SERTM1: variants seen among roughly 807,000 people sequenced by gnomAD.
The protein encoded by SERTM1 is serine rich and transmembrane domain containing 1, also known as serine-rich and transmembrane domain-containing protein 1.
In SERTM1, 1 loss-of-function variant was observed where a neutral mutation model predicts 5.5. The ratio of observed to expected loss-of-function variants is 0.18; its 90% CI spans 0.06 to 0.86. SERTM1 has a LOEUF of 0.86. Among genes scored for constraint, SERTM1 ranks in the 40% least tolerant of loss-of-function variants. SERTM1 has a pLI of 0.69. For missense variants in SERTM1, 91 were observed against 122.4 expected (o/e 0.74, Z 1.21); for synonymous variants, 52 against 55.1 (o/e 0.94, Z 0.25).
chr13:36,692,286 T>G (rs2138098556), intron 1 of SERTM1, among the ~76,000 whole-genome samples: 1 of 152,334 alleles, frequency 6.6e-6, no homozygotes, highest in South Asian at 2.1e-4. Context: ...GGTGGGGTTT[T>G]GGTCTGAAAG....
chr13:36,694,790 T>A lies in SERTM1; in HGVS notation c.-173-116T>A, dbSNP rs1593403041. The stretch of plus-strand genomic sequence containing the variant: ...ATGACTGATTCCTAGGGGAGTTATA[T>A]CATCTTGTTTCCTCCATGCTGAGTT... On this transcript the variant is annotated intron_variant, in intron 1 of 1. Coordinates refer to ENST00000315190, the MANE Select transcript of SERTM1 (RefSeq NM_203451.3). 1.2e-5 allele frequency: 5 copies of A among 403,644 alleles called. No homozygotes were observed. The East Asian group carries it at 2.2e-4, about 17-fold the overall frequency. 25.0% of individuals were successfully genotyped at this position (403,644 alleles called of 1,614,324 possible).
chr13:36,678,286 T>A (rs2056681883), intron 1 of SERTM1, among the ~76,000 whole-genome samples: 2 of 152,214 alleles, frequency 1.3e-5, no homozygotes, highest in Non-Finnish European at 2.9e-5. Flanking sequence ...GTTAACAGCT[T>A]GGTATATAAC....
At chr13:36,677,738 G>A (rs980642533) in intron 1 of SERTM1, among the ~76,000 whole-genome samples, 5 of 152,204 alleles carry the variant, frequency 3.3e-5, no homozygotes, top group Non-Finnish European at 1.5e-5. Flanking sequence ...TGGTTAACTT[G>A]CTAGGGTAGT....
intron 1 of SERTM1, among the ~76,000 whole-genome samples, chr13:36,677,270 TAC>T (rs1176488069): frequency 6.6e-6 from 1 of 152,218 alleles, no homozygotes; most frequent in Non-Finnish European, 1.5e-5. Flanking sequence ...CAAACAGCCG[TAC>T]ACACTTTAAC....
In SERTM1 at chr13:36,674,122, G is replaced by C. The variant is rs1244383670; in HGVS notation, c.-236G>C. 2.0e-5 allele frequency: 3 copies of C among 152,252 alleles called. No homozygotes were observed. The highest frequency in any genetic ancestry group is 4.8e-5 in the African/African-American group (2 of 41,458). 9.4% of individuals were successfully genotyped at this position (152,252 alleles called of 1,614,324 possible). A position where few individuals can be genotyped will look rare whatever the true frequency, so the allele number is the denominator to read the frequency against. ...TTCGCGGGCGCGTATCGTCCAGACC[G>C]GAGCACCGCCCCACCGCTAGCGCAG... On this transcript the variant is annotated 5_prime_UTR_variant, in exon 1 of 2. Transcript: ENST00000315190.
chr13:36,677,230 GAAAA>G (rs1200548642), intron 1 of SERTM1, among the ~76,000 whole-genome samples: 2 of 151,146 alleles, frequency 1.3e-5, no homozygotes, highest in Non-Finnish European at 3.0e-5. Context: ...TTTGGAAAAA[GAAAA>G]AAAAGATAAA....
In SERTM1 at chr13:36,696,499, A is replaced by T. The variant is rs1318860215; in HGVS notation, c.*1097A>T. 6.0e-6 allele frequency: 1 copy of T among 167,016 alleles called. No individual in the cohort carries two copies. The highest frequency in any genetic ancestry group is 1.5e-5 in the Non-Finnish European group (1 of 68,120). The allele number at this position is 167,016 out of a possible 1,614,324, so 10.3% of individuals were successfully genotyped here. ...TAATACTCTACATTAGGATTTCAGG[A>T]TGTGAGTTTGTATTAAAAATTGTAG... On this transcript the variant is annotated 3_prime_UTR_variant, in exon 2 of 2. Transcript: ENST00000315190.
chr13:36,697,260 T>G lies in SERTM1; in HGVS notation c.*1858T>G, dbSNP rs1056974247. The G allele has an allele frequency of 6.2e-6, 1 of 162,584 alleles. No homozygotes were observed. The highest frequency in any genetic ancestry group is 2.5e-5 in the African/African-American group (1 of 40,002). 10.1% of individuals were successfully genotyped at this position (162,584 alleles called of 1,614,324 possible). ...CTATTTTAGAGCATTATTAGCATTC[T>G]CTGAATATATGTATATATACATATA... is the stretch of plus-strand genomic sequence containing the variant. On this transcript the variant is annotated 3_prime_UTR_variant, in exon 2 of 2. Coordinates refer to ENST00000315190, the MANE Select transcript of SERTM1 (RefSeq NM_203451.3).
chr13:36,684,868 T>C (rs910703993), intron 1 of SERTM1, among the ~76,000 whole-genome samples: 2 of 152,216 alleles, frequency 1.3e-5, no homozygotes, highest in African/African-American at 4.8e-5. Context: ...ATAATTTCCT[T>C]GAGTGAAAAC....
At chr13:36,691,130 G>A (rs537006768) in intron 1 of SERTM1, among the ~76,000 whole-genome samples, 12 of 152,302 alleles carry the variant, frequency 7.9e-5, no homozygotes, top group Middle Eastern at 3.4e-3. Flanking sequence ...AGGATGTGGC[G>A]CAGGCTGGGC....
intron 1 of SERTM1, among the ~76,000 whole-genome samples, chr13:36,688,854 G>C: frequency 6.6e-6 from 1 of 152,000 alleles, no homozygotes; most frequent in Middle Eastern, 3.2e-3. Context: ...CTTTTCTCCT[G>C]CTCTCTAAAA....
chr13:36,692,991 C>G (rs1011909527), intron 1 of SERTM1, among the ~76,000 whole-genome samples: 6 of 152,192 alleles, frequency 3.9e-5, no homozygotes, highest in African/African-American at 1.4e-4. Flanking sequence ...ATAGTCTTTG[C>G]CTTATCTGCC....
chr13:36,680,076 CA>C (rs200157276), intron 1 of SERTM1, among the ~76,000 whole-genome samples: 1 of 151,198 alleles, frequency 6.6e-6, no homozygotes, highest in Admixed American at 6.6e-5. Context: ...TTCCAAAATC[CA>C]AAAAAAAATT....
At chr13:36,686,858 A>G (rs2056744745) in intron 1 of SERTM1, among the ~76,000 whole-genome samples, 1 of 152,190 alleles carries the variant, frequency 6.6e-6, no homozygotes. Flanking sequence ...TTGAAGTCTG[A>G]ATCCTACTTT....
chr13:36,697,350 C>T lies in SERTM1; in HGVS notation c.*1948C>T, dbSNP rs2056823065. ...ATATATATATATAAACTCACATACT[C>T]CCAATTAAAAGTCGTGTGAAAGCTA... On this transcript the variant is annotated 3_prime_UTR_variant, in exon 2 of 2. Coordinates refer to ENST00000315190, the MANE Select transcript of SERTM1 (RefSeq NM_203451.3). 1 of 162,042 alleles carries T rather than the reference C, an allele frequency of 6.2e-6. No individual in the cohort carries two copies. The highest frequency in any genetic ancestry group is 1.9e-4 in the East Asian group (1 of 5,132). 10.0% of individuals were successfully genotyped at this position (162,042 alleles called of 1,614,324 possible).
intron 1 of SERTM1, among the ~76,000 whole-genome samples, chr13:36,693,817 C>T (rs1015213306): frequency 2.6e-5 from 4 of 152,106 alleles, no homozygotes; most frequent in African/African-American, 9.7e-5. Flanking sequence ...AAATGTACAG[C>T]AAAATTATCT....
chr13:36,678,840 A>C (rs1168804492), intron 1 of SERTM1, among the ~76,000 whole-genome samples: 6 of 151,718 alleles, frequency 4.0e-5, no homozygotes, highest in Non-Finnish European at 8.8e-5. Flanking sequence ...TGTACTTTTA[A>C]ACTTGTCTGA....
At chr13:36,684,073 A>G (rs1410495799) in intron 1 of SERTM1, among the ~76,000 whole-genome samples, 1 of 152,108 alleles carries the variant, frequency 6.6e-6, no homozygotes, top group African/African-American at 2.4e-5. Context: ...TGAGGCAGAC[A>G]TATTTCCTGA....
chr13:36,691,885 A>G (rs1184833653), intron 1 of SERTM1, among the ~76,000 whole-genome samples: 1 of 152,162 alleles, frequency 6.6e-6, no homozygotes, highest in African/African-American at 2.4e-5. Flanking sequence ...AGGCTGGGTC[A>G]CCCTGAGCAT....
Sources: gnomAD v4.1 joint callset for allele counts (sites outside exome capture counted in the v4.1 genomes callset) on GRCh38, gnomAD v4.1.1 for gene constraint, MANE v1.5 for transcripts, NCBI Gene and HGNC (gene_info 2026-07-23, HGNC 2026-07-21) for gene names.